The following EPHA7 variants were observed in gnomAD, a reference collection of about 807,000 sequenced individuals.
EPHA7 encodes EPH receptor A7.
A neutral mutation model predicts 112.6 loss-of-function variants in EPHA7; 25 were observed. That is an observed-to-expected ratio of 0.22 (90% CI 0.16 to 0.31). The LOEUF is 0.31. Among genes scored for constraint, EPHA7 ranks in the 10% least tolerant of loss-of-function variants. EPHA7 has a pLI of 1.00. For synonymous variants in EPHA7, 437 were observed against 406.5 expected (o/e 1.07, Z -0.90); for missense variants, 962 against 1,212.6 (o/e 0.79, Z 3.07).
At chr6:93,409,750 T>TAGGCC (rs1452063991) in intron 3 of EPHA7, 1 of 151,680 alleles carries the variant, frequency 6.6e-6, no homozygotes, top group Non-Finnish European at 1.5e-5. Flanking sequence ...TTTAGCCACA[T>TAGGCC]AATGCTAGGA....
chr6:93,286,863 C>T (rs1230738156), intron 5 of EPHA7, among the ~76,000 whole-genome samples: 1 of 152,122 alleles, frequency 6.6e-6, no homozygotes, highest in Non-Finnish European at 1.5e-5. Context: ...GAAACAGTCA[C>T]ATCCGGTGAT....
chr6:93,259,320 G>C, intron 10 of EPHA7, 34 bp downstream of exon 10: 1 of 1,608,336 alleles, frequency 6.2e-7, no homozygotes, highest in African/African-American at 1.3e-5. Context: ...TGGCTAAATG[G>C]AACAGCTGAA....
At chr6:93,276,236 C>T (rs1771465222) in intron 5 of EPHA7, among the ~76,000 whole-genome samples, 1 of 152,062 alleles carries the variant, frequency 6.6e-6, no homozygotes, top group African/African-American at 2.4e-5. Flanking sequence ...TAAGAGCAAA[C>T]AGAGATGCTG....
intron 3 of EPHA7, among the ~76,000 whole-genome samples, chr6:93,398,053 A>G (rs1193335835): frequency 6.6e-6 from 1 of 151,928 alleles, no homozygotes; most frequent in Non-Finnish European, 1.5e-5. Context: ...ATCCTTAAAA[A>G]CTAAAGATCA....
chr6:93,284,104 A>G (rs2127827775), intron 5 of EPHA7, among the ~76,000 whole-genome samples: 1 of 152,214 alleles, frequency 6.6e-6, no homozygotes, highest in South Asian at 2.1e-4. Flanking sequence ...AGAATGATCA[A>G]TTTCATTATA....
chr6:93,334,873 C>T (rs1464352922), intron 5 of EPHA7, among the ~76,000 whole-genome samples: 1 of 152,042 alleles, frequency 6.6e-6, no homozygotes, highest in Non-Finnish European at 1.5e-5. Context: ...ATGTGTAGCT[C>T]ATATTTTAAA....
chr6:93,241,833 T>C lies in EPHA7; in HGVS notation c.*1593A>G, dbSNP rs1190440722. On this transcript the variant is annotated 3_prime_UTR_variant, in exon 17 of 17. Transcript: ENST00000369303. Reference sequence around the variant, plus strand: ...GAAATGTGTGTACAAAACAAGACAGTATAAATAAAATTTACAAGTTTTACA... The same window carrying C: ...GAAATGTGTGTACAAAACAAGACAGCATAAATAAAATTTACAAGTTTTACA... 4.6e-6 allele frequency: 1 copy of C among 218,896 alleles called. No individual in the cohort carries two copies. The highest frequency in any genetic ancestry group is 9.2e-6 in the Non-Finnish European group (1 of 108,674). 13.6% of individuals were successfully genotyped at this position (218,896 alleles called of 1,614,324 possible).
intron 14 of EPHA7, among the ~76,000 whole-genome samples, chr6:93,252,579 G>T (rs965014538): frequency 1.3e-5 from 2 of 151,690 alleles, no homozygotes; most frequent in Admixed American, 6.6e-5. Context: ...ATCCCAGAAT[G>T]GAAATCATTA....
intron 5 of EPHA7, among the ~76,000 whole-genome samples, chr6:93,321,401 T>C (rs1456760594): frequency 6.6e-6 from 1 of 151,916 alleles, no homozygotes; most frequent in Non-Finnish European, 1.5e-5. Flanking sequence ...CCCAATAAAA[T>C]TCCTGCATAT....
At chr6:93,348,281 C>T (rs1775505387) in intron 5 of EPHA7, among the ~76,000 whole-genome samples, 1 of 151,418 alleles carries the variant, frequency 6.6e-6, no homozygotes, top group Non-Finnish European at 1.5e-5. Flanking sequence ...TGTGCTGTAG[C>T]CTTAAAGCTG....
chr6:93,345,320 T>C (rs1288923382), intron 5 of EPHA7, among the ~76,000 whole-genome samples: 1 of 151,774 alleles, frequency 6.6e-6, no homozygotes, highest in Non-Finnish European at 1.5e-5. Flanking sequence ...ACACTAATTA[T>C]CTGATGTCAA....
intron 3 of EPHA7, among the ~76,000 whole-genome samples, chr6:93,399,592 A>G (rs1778341188): frequency 6.6e-6 from 1 of 152,090 alleles, no homozygotes; most frequent in African/African-American, 2.4e-5. Context: ...AGAAATTTGG[A>G]AATCTAAAAA....
intron 11 of EPHA7, 130 bp downstream of exon 11, chr6:93,257,969 T>TTACA (rs1179487695): frequency 5.7e-6 from 5 of 875,034 alleles, no homozygotes; most frequent in Non-Finnish European, 8.4e-6. Context: ...TTTTGATTAG[T>TTACA]TACATACCAA....
chr6:93,265,971 A>G (rs965337989), intron 7 of EPHA7, among the ~76,000 whole-genome samples: 1 of 151,722 alleles, frequency 6.6e-6, no homozygotes. Context: ...TCCTGTGTTG[A>G]AAAACAGGAA....
Position 93,321,343 on chromosome 6 carries a change from A to G in EPHA7, c.1324+35374T>C, listed in dbSNP as rs74593221. On this transcript the variant is annotated intron_variant, in intron 5 of 16. Transcript: ENST00000369303. ...AACAGTAATATATTATTTGTTGATT[A>G]TGTATATATCAATCACAATAGGTGA... Among the ~76,000 whole-genome samples the G allele has an allele frequency of 4.6e-3, 701 of 152,014 alleles. 11 individuals carry two copies. The highest frequency in any genetic ancestry group is 0.016 in the African/African-American group (675 of 41,504).
chr6:93,337,868 T>C (rs1464395538), intron 5 of EPHA7, among the ~76,000 whole-genome samples: 1 of 152,032 alleles, frequency 6.6e-6, no homozygotes, highest in Admixed American at 6.6e-5. Flanking sequence ...GGAATAATGA[T>C]TTCATATTGT....
At chr6:93,306,528 A>G (rs1168884985) in intron 5 of EPHA7, among the ~76,000 whole-genome samples, 1 of 152,014 alleles carries the variant, frequency 6.6e-6, no homozygotes, top group Non-Finnish European at 1.5e-5. Context: ...GAGTAAAACA[A>G]AGACCTAAAT....
intron 5 of EPHA7, among the ~76,000 whole-genome samples, chr6:93,340,694 T>C (rs1775096030): frequency 6.6e-6 from 1 of 151,966 alleles, no homozygotes; most frequent in South Asian, 2.1e-4. Flanking sequence ...TGAAGATTTA[T>C]TTCTAAATGA....
At chr6:93,244,613 G>A (rs913802222) in intron 16 of EPHA7, among the ~76,000 whole-genome samples, 1 of 151,970 alleles carries the variant, frequency 6.6e-6, no homozygotes, top group African/African-American at 2.4e-5. Context: ...GACAGGAAAA[G>A]TGAGTTCTTT....
Sources: allele counts gnomAD v4.1 joint callset (sites outside exome capture counted in the v4.1 genomes callset), GRCh38; gene constraint gnomAD v4.1.1; transcripts MANE v1.5; gene names NCBI Gene and HGNC (gene_info 2026-07-23, HGNC 2026-07-21).